Variants in ERBB4 observed in about 807,000 individuals in gnomAD.
ERBB4 encodes the protein receptor tyrosine-protein kinase erbB-4.
ERBB4 carries 42 observed loss-of-function variants against 158.0 expected under a neutral mutation model. The ratio of observed to expected loss-of-function variants is 0.27; its 90% confidence interval spans 0.21 to 0.34. The LOEUF is 0.34. Among genes scored for constraint, ERBB4 ranks in the 10% least tolerant of loss-of-function variants. ERBB4 has a pLI of 1.00. For missense variants in ERBB4, 1,333 were observed against 1,624.1 expected, an observed-to-expected ratio of 0.82 and a Z score of 3.08; for synonymous variants, 583 against 558.7, an observed-to-expected ratio of 1.04 and a Z score of -0.61.
chr2:211,659,764 A>T (rs2105904766), intron 15 of ERBB4, among the ~76,000 whole-genome samples: 1 of 152,346 alleles, frequency 6.6e-6, no homozygotes, highest in Non-Finnish European at 1.5e-5. Context: ...GGGAGAAAAA[A>T]AGATGAATTA....
rs35895749 is a variant in ERBB4 at position 211,607,888 on chromosome 2, T to TTTTC, written c.2301+11288_2301+11289insGAAA. Among the ~76,000 whole-genome samples the TTTTC allele has an allele frequency of 1.0e-4, 12 of 118,860 alleles. 1 individual carries two copies. Among genetic ancestry groups the TTTTC allele is most frequent in the South Asian group, 5.4e-4 (2 of 3,684 alleles). 78.0% of individuals were successfully genotyped at this position (118,860 alleles called of 152,430 possible). A position where few individuals can be genotyped will look rare whatever the true frequency, so the allele number is the denominator to read the frequency against. ...AGATTTTTTTTTTTTTTTTTTTTTT[T>TTTTC]AGACAGGGTCTCACTCTGTCTCCCA... On this transcript the variant is annotated intron_variant, in intron 19 of 27. Transcript: ENST00000342788.
intron 1 of ERBB4, among the ~76,000 whole-genome samples, chr2:212,211,749 G>A (rs1434104721): frequency 2.0e-5 from 3 of 151,712 alleles, no homozygotes; most frequent in African/African-American, 7.3e-5. Context: ...CCCCAACAGG[G>A]CCTGGTGTGT....
At chr2:212,241,230 T>A (rs757437080) in intron 1 of ERBB4, among the ~76,000 whole-genome samples, 12 of 151,762 alleles carry the variant, frequency 7.9e-5, no homozygotes, top group Non-Finnish European at 1.6e-4. Flanking sequence ...GCACTCCAGA[T>A]TGGGTGAGAG....
chr2:211,489,374 A>C (rs1407919642), intron 20 of ERBB4, among the ~76,000 whole-genome samples: 3 of 152,018 alleles, frequency 2.0e-5, no homozygotes, highest in Non-Finnish European at 4.4e-5. Flanking sequence ...TAGGCATATG[A>C]CTTTAGGCGG....
chr2:211,659,272 T>A (rs2071331648), intron 15 of ERBB4, among the ~76,000 whole-genome samples: 1 of 152,082 alleles, frequency 6.6e-6, no homozygotes, highest in South Asian at 2.1e-4. Flanking sequence ...AGACAAATTT[T>A]AATCTATAGA....
At chr2:211,456,375 T>G (rs2064381623) in intron 20 of ERBB4, among the ~76,000 whole-genome samples, 1 of 152,172 alleles carries the variant, frequency 6.6e-6, no homozygotes, top group Admixed American at 6.5e-5. Context: ...TCATGCAAAC[T>G]TTAGGCACTC....
chr2:212,170,367 G>A (rs770692768), intron 1 of ERBB4, among the ~76,000 whole-genome samples: 16 of 152,142 alleles, frequency 1.1e-4, no homozygotes, highest in Non-Finnish European at 2.1e-4. Context: ...TAAAAAGGAA[G>A]CAGAGTATAA....
chr2:211,795,711 T>C lies in ERBB4; in HGVS notation c.422-7552A>G, dbSNP rs763318638. Reference sequence around the variant, plus strand: ...GAAGGACAAAAGAACAGAGGAAGAGTACATGTATTTTAATGAAAATTCCTG... The same window carrying C: ...GAAGGACAAAAGAACAGAGGAAGAGCACATGTATTTTAATGAAAATTCCTG... On this transcript the variant is annotated intron_variant, in intron 3 of 27. Transcript: ENST00000342788. 1.5e-4 allele frequency among the ~76,000 whole-genome samples: 22 copies of C among 150,924 alleles called. 1 individual carries two copies. Among genetic ancestry groups the C allele is most frequent in the Middle Eastern group, 3.4e-3 (1 of 294 alleles).
chr2:212,319,862 T>C (rs2087477112), intron 1 of ERBB4, among the ~76,000 whole-genome samples: 1 of 150,264 alleles, frequency 6.7e-6, no homozygotes. Context: ...AGGGTATTAA[T>C]GGACTACATT....
Position 211,590,942 on chromosome 2 carries a change from G to A in ERBB4, c.2301+28235C>T, listed in dbSNP as rs76407296. On this transcript the variant is annotated intron_variant, in intron 19 of 27. Transcript: ENST00000342788. ...AACTTTTTGAAACTTTCTCTACAAT[G>A]ATGATTATACTCTTAAACAATATAA... is the stretch of plus-strand genomic sequence containing the variant. 1.6e-3 allele frequency among the ~76,000 whole-genome samples: 240 copies of A among 152,286 alleles called. 1 individual carries two copies. The highest frequency in any genetic ancestry group is 2.7e-3 in the Non-Finnish European group (185 of 68,026).
intron 3 of ERBB4, among the ~76,000 whole-genome samples, chr2:211,902,143 A>G (rs925862947): frequency 6.6e-6 from 1 of 152,014 alleles, no homozygotes; most frequent in East Asian, 1.9e-4. Context: ...TGATCTCTTC[A>G]TTGTACTATA....
chr2:211,663,260 G>A (rs1032284174), intron 15 of ERBB4, among the ~76,000 whole-genome samples: 5 of 152,104 alleles, frequency 3.3e-5, no homozygotes, highest in African/African-American at 1.2e-4. Context: ...GAGTGAATCT[G>A]GACAATATGA....
chr2:212,025,850 T>C (rs1167207315), intron 2 of ERBB4, among the ~76,000 whole-genome samples: 1 of 151,698 alleles, frequency 6.6e-6, no homozygotes, highest in Admixed American at 6.6e-5. Flanking sequence ...ATTACACCGA[T>C]AATCTACTGA....
At chr2:211,719,432 GC>G (rs2074025738) in intron 7 of ERBB4, among the ~76,000 whole-genome samples, 1 of 100,406 alleles carries the variant, frequency 1.0e-5, no homozygotes, top group Non-Finnish European at 2.3e-5. Context: ...TACCTGGCAT[GC>G]AAAACTGTGT....
chr2:211,511,155 A>T (rs1306663880), intron 20 of ERBB4, among the ~76,000 whole-genome samples: 2 of 151,984 alleles, frequency 1.3e-5, no homozygotes, highest in Non-Finnish European at 2.9e-5. Flanking sequence ...CCAGACAGAA[A>T]TGGAATGCAC....
chr2:211,993,794 TA>T (rs948403110), intron 2 of ERBB4, among the ~76,000 whole-genome samples: 21 of 146,616 alleles, frequency 1.4e-4, no homozygotes, highest in Non-Finnish European at 2.3e-4. Flanking sequence ...AAAAGAAACT[TA>T]AAAAAAAAAC....
intron 3 of ERBB4, among the ~76,000 whole-genome samples, chr2:211,817,558 C>T (rs1268615845): frequency 6.6e-6 from 1 of 152,222 alleles, no homozygotes; most frequent in East Asian, 1.9e-4. Context: ...GATGCTGTGG[C>T]AGGGATTGCT....
rs538285347 is a variant in ERBB4, at chr2:211,603,101, C to G, written c.2301+16076G>C. On this transcript the variant is annotated intron_variant, in intron 19 of 27. Transcript: ENST00000342788. ...CAAAATTTAGCTGGGCATAGTGGCA[C>G]ACACCTGTAGTCCCAGCTACTCGGG... Among the ~76,000 whole-genome samples, 3 of 152,150 alleles carry G rather than the reference C, an allele frequency of 2.0e-5. No individual in the cohort carries two copies. The East Asian group carries it at 5.8e-4, about 30-fold the overall frequency.
intron 3 of ERBB4, among the ~76,000 whole-genome samples, chr2:211,906,869 C>T (rs1321052171): frequency 1.3e-5 from 2 of 151,510 alleles, no homozygotes; most frequent in African/African-American, 4.8e-5. Context: ...TAATAAAAGG[C>T]CTCCTGTGTT....
Sources: gnomAD v4.1 joint callset for allele counts (sites outside exome capture counted in the v4.1 genomes callset) on GRCh38, gnomAD v4.1.1 for gene constraint, MANE v1.5 for transcripts, NCBI Gene and HGNC (gene_info 2026-07-23, HGNC 2026-07-21) for gene names.